FRMD4A: variants seen among roughly 807,000 people sequenced by gnomAD.
FRMD4A encodes the protein FERM domain containing 4A.
FRMD4A carries 29 observed loss-of-function variants against 129.1 expected under a neutral mutation model. The observed-to-expected ratio is 0.22, with a 90% CI of 0.17 to 0.31. The LOEUF (loss-of-function observed/expected upper bound fraction) is 0.31. Ranked by LOEUF, FRMD4A falls within the 10% of genes least tolerant of loss-of-function variation. The pLI is 1.00. For synonymous variants in FRMD4A, 634 were observed against 571.6 expected, an observed-to-expected ratio of 1.11 and a Z score of -1.56; for missense variants, 1,272 against 1,375.8, an observed-to-expected ratio of 0.92 and a Z score of 1.19.
chr10:13,747,640 C>G, intron 9 of FRMD4A, 96 bp downstream of exon 9: 5 of 686,594 alleles, frequency 7.3e-6, no homozygotes, highest in Non-Finnish European at 1.1e-5. Flanking sequence ...CAGGCTGGCA[C>G]GTGGGAGCTG....
intron 2 of FRMD4A, among the ~76,000 whole-genome samples, chr10:13,950,827 C>G (rs1214877478): frequency 1.3e-5 from 2 of 152,176 alleles, no homozygotes; most frequent in Non-Finnish European, 2.9e-5. Context: ...AAGTCCTCCC[C>G]GATGACCTTA....
At chr10:13,949,722 T>C (rs1279772652) in intron 2 of FRMD4A, among the ~76,000 whole-genome samples, 2 of 152,218 alleles carry the variant, frequency 1.3e-5, no homozygotes, top group African/African-American at 4.8e-5. Flanking sequence ...TAAATCCTTA[T>C]TTTATAGACG....
chr10:13,790,024 G>C (rs1414413842), intron 5 of FRMD4A, among the ~76,000 whole-genome samples: 1 of 152,130 alleles, frequency 6.6e-6, no homozygotes, highest in African/African-American at 2.4e-5. Flanking sequence ...AGGAGATCTT[G>C]AGTCCAGGAG....
intron 2 of FRMD4A, among the ~76,000 whole-genome samples, chr10:14,308,986 G>A (rs1846445590): frequency 6.6e-6 from 1 of 152,166 alleles, no homozygotes; most frequent in Non-Finnish European, 1.5e-5. Context: ...AGATTCAGTG[G>A]TATTTCCACT....
intron 2 of FRMD4A, among the ~76,000 whole-genome samples, chr10:14,153,292 C>T (rs987178243): frequency 3.3e-5 from 5 of 152,224 alleles, no homozygotes; most frequent in African/African-American, 1.2e-4. Flanking sequence ...TTCACACTTG[C>T]TCCACATGGA....
At chr10:13,722,765 C>T (rs67038646) in intron 12 of FRMD4A, among the ~76,000 whole-genome samples, 31,927 of 152,172 alleles carry the variant, frequency 0.21, 3,508 homozygotes, top group East Asian at 0.24. Context: ...GGCAGGGAGC[C>T]GGTTAGCTGG....
chr10:13,922,471 C>A (rs1171054716), intron 2 of FRMD4A, among the ~76,000 whole-genome samples: 2 of 152,110 alleles, frequency 1.3e-5, no homozygotes, highest in Non-Finnish European at 2.9e-5. Context: ...GGTTAAATGA[C>A]TGGTTTAAGG....
intron 3 of FRMD4A, among the ~76,000 whole-genome samples, chr10:13,841,038 G>A (rs184996433): frequency 4.6e-5 from 7 of 152,110 alleles, no homozygotes. Context: ...AGCCCAGGAG[G>A]TTGAACCTGC....
In FRMD4A at chr10:14,199,153, A is replaced by T. The variant is rs184825479; in HGVS notation, c.45+130905T>A. 1.8e-3 allele frequency among the ~76,000 whole-genome samples: 267 copies of T among 151,992 alleles called. 2 individuals are homozygous for T. The highest frequency in any genetic ancestry group is 6.2e-3 in the African/African-American group (259 of 41,488). On this transcript the variant is annotated intron_variant, in intron 2 of 24. Coordinates refer to ENST00000357447, the MANE Select transcript of FRMD4A (RefSeq NM_018027.5). The stretch of plus-strand genomic sequence containing the variant: ...TATAGTGTTACTGGTTGGTTTTAAA[A>T]TTTTTATGTTGTTTCCATTTTTAAA...
At chr10:13,993,054 C>A (rs1020210506) in intron 2 of FRMD4A, among the ~76,000 whole-genome samples, 1 of 151,416 alleles carries the variant, frequency 6.6e-6, no homozygotes, top group Non-Finnish European at 1.5e-5. Context: ...TGTCCTATGT[C>A]CCTACAAAAC....
intron 5 of FRMD4A, among the ~76,000 whole-genome samples, chr10:13,785,188 GA>G (rs2092823758): frequency 6.6e-6 from 1 of 152,126 alleles, no homozygotes; most frequent in African/African-American, 2.4e-5. Context: ...AGGCTGCTGT[GA>G]TGAATACAAT....
chr10:14,189,407 C>G (rs1007766103), intron 2 of FRMD4A, among the ~76,000 whole-genome samples: 1 of 152,094 alleles, frequency 6.6e-6, no homozygotes, highest in Admixed American at 6.5e-5. Context: ...AACCTGGTCT[C>G]TACTAAAAAT....
intron 2 of FRMD4A, among the ~76,000 whole-genome samples, chr10:14,252,910 AG>A: frequency 6.6e-6 from 1 of 152,216 alleles, no homozygotes; most frequent in East Asian, 1.9e-4. Flanking sequence ...TATAAGGAAA[AG>A]CTTTCCCTTC....
chr10:14,301,621 GA>G (rs1465566776), intron 2 of FRMD4A, among the ~76,000 whole-genome samples: 1 of 152,000 alleles, frequency 6.6e-6, no homozygotes, highest in African/African-American at 2.4e-5. Flanking sequence ...ATTTCTGTTG[GA>G]TTTTTTTTCA....
At chr10:14,281,638 G>C in intron 2 of FRMD4A, among the ~76,000 whole-genome samples, 1 of 152,194 alleles carries the variant, frequency 6.6e-6, no homozygotes, top group East Asian at 1.9e-4. Flanking sequence ...GTGGCATTAA[G>C]TACCTCCACA....
intron 5 of FRMD4A, among the ~76,000 whole-genome samples, chr10:13,792,456 AGG>A (rs1423760364): frequency 3.3e-5 from 5 of 152,102 alleles, no homozygotes; most frequent in African/African-American, 4.8e-5. Flanking sequence ...AGCATGCAGT[AGG>A]GGAGGACAGA....
chr10:14,234,224 G>GA (rs11347904), intron 2 of FRMD4A, among the ~76,000 whole-genome samples: 5 of 151,340 alleles, frequency 3.3e-5, no homozygotes, highest in African/African-American at 1.2e-4. Flanking sequence ...GGAAGAAGAA[G>GA]AAAAAAAAAA....
intron 2 of FRMD4A, among the ~76,000 whole-genome samples, chr10:14,213,662 TTC>T (rs1439240570): frequency 1.1e-4 from 16 of 152,180 alleles, no homozygotes; most frequent in Non-Finnish European, 2.9e-5. Flanking sequence ...GCCCATCATG[TTC>T]TCTGTCTGTA....
At chr10:13,813,151 T>C (rs776602842) in intron 3 of FRMD4A, among the ~76,000 whole-genome samples, 3 of 152,164 alleles carry the variant, frequency 2.0e-5, no homozygotes, top group East Asian at 1.9e-4. Context: ...GCTTTTTAAA[T>C]TGCAAGGTAG....
Sources: allele counts gnomAD v4.1 joint callset (sites outside exome capture counted in the v4.1 genomes callset), GRCh38; gene constraint gnomAD v4.1.1; transcripts MANE v1.5; gene names NCBI Gene and HGNC (gene_info 2026-07-23, HGNC 2026-07-21).